RLF: variants seen among roughly 807,000 people sequenced by gnomAD.
RLF encodes RLF zinc finger, also known as zinc finger protein Rlf.
A neutral mutation model predicts 162.9 loss-of-function variants in RLF; 7 were observed. That is an observed-to-expected ratio of 0.04 (90% CI 0.02 to 0.08). The LOEUF is 0.08. RLF is among the 10% of genes least tolerant of loss of function. The pLI is 1.00. For missense variants in RLF, 1,664 were observed against 2,244.7 expected, an observed-to-expected ratio of 0.74 and a Z score of 5.23; for synonymous variants, 782 against 791.5, an observed-to-expected ratio of 0.99 and a Z score of 0.20.
intron 1 of RLF, among the ~76,000 whole-genome samples, chr1:40,187,373 C>A (rs1642496981): frequency 5.3e-5 from 8 of 152,078 alleles, no homozygotes; most frequent in Admixed American, 5.2e-4. Context: ...TAACAGACAC[C>A]CATTCTGCAT....
chr1:40,168,038 C>T (rs1254970058), intron 1 of RLF, among the ~76,000 whole-genome samples: 1 of 145,772 alleles, frequency 6.9e-6, no homozygotes, highest in Non-Finnish European at 1.5e-5. Flanking sequence ...CTGGGCAACT[C>T]TACAAAAAAA....
chr1:40,172,946 T>C (rs192654304), intron 1 of RLF, among the ~76,000 whole-genome samples: 11 of 152,322 alleles, frequency 7.2e-5, no homozygotes, highest in African/African-American at 2.6e-4. Context: ...CCGCCAATAG[T>C]GTTTGGGAGT....
At chr1:40,187,096 A>G (rs944902419) in intron 1 of RLF, among the ~76,000 whole-genome samples, 58 of 151,750 alleles carry the variant, frequency 3.8e-4, no homozygotes, top group African/African-American at 1.4e-3. Flanking sequence ...CAGTGGCGCA[A>G]TCTTGGCTCA....
intron 4 of RLF, among the ~76,000 whole-genome samples, chr1:40,199,471 G>C (rs1642681287): frequency 6.6e-6 from 1 of 152,162 alleles, no homozygotes; most frequent in African/African-American, 2.4e-5. Flanking sequence ...TTTTACAGAT[G>C]AAGAAACTTG....
intron 5 of RLF, among the ~76,000 whole-genome samples, chr1:40,208,156 G>A (rs1008335197): frequency 1.3e-5 from 2 of 152,182 alleles, no homozygotes; most frequent in African/African-American, 4.8e-5. Flanking sequence ...GGATTGTCTA[G>A]GCAGGGAAAG....
Position 40,240,453 on chromosome 1 carries a change from A to C in RLF, c.*6A>C. The C allele has an allele frequency of 6.2e-7, 1 of 1,601,846 alleles. No individual in the cohort carries two copies. The highest frequency in any genetic ancestry group is 1.7e-5 in the Admixed American group (1 of 58,700). Reference sequence around the variant, plus strand: ...TTTGTGTAGGAAGTTCATAAGTAGCAATTTTGTTTTAGTAACAGACTGGCT... The same window carrying C: ...TTTGTGTAGGAAGTTCATAAGTAGCCATTTTGTTTTAGTAACAGACTGGCT... On this transcript the variant is annotated 3_prime_UTR_variant, in exon 8 of 8. Transcript: ENST00000372771.
intron 5 of RLF, among the ~76,000 whole-genome samples, chr1:40,216,666 CA>C (rs560318341): frequency 2.5e-4 from 38 of 152,042 alleles, no homozygotes; most frequent in African/African-American, 8.7e-4. Context: ...CAAAGTATTC[CA>C]AAAAATAGAA....
At chr1:40,183,631 G>C (rs576107208) in intron 1 of RLF, among the ~76,000 whole-genome samples, 1 of 152,064 alleles carries the variant, frequency 6.6e-6, no homozygotes, top group Non-Finnish European at 1.5e-5. Context: ...TAAAGAAAGC[G>C]TGGTGATTAA....
rs902955392 is a variant in RLF, at chr1:40,181,392, C to A, written c.238-7663C>A. ...TTGCATTGAGCCGAGATGGCACCACCGCACTCCAGCCTGGGCAGCAGAGCG... is the reference window on the plus strand; with the variant it reads ...TTGCATTGAGCCGAGATGGCACCACAGCACTCCAGCCTGGGCAGCAGAGCG... On this transcript the variant is annotated intron_variant, in intron 1 of 7. Coordinates refer to ENST00000372771, the MANE Select transcript of RLF (RefSeq NM_012421.4). Among the ~76,000 whole-genome samples, 4 of 152,022 alleles carry A rather than the reference C, an allele frequency of 2.6e-5. No homozygotes were observed. The East Asian group carries it at 7.7e-4, about 29-fold the overall frequency.
In RLF at chr1:40,240,423, T is replaced by C. The variant is rs1403888673; in HGVS notation, c.5721T>C (p.Asp1907=). The C allele has an allele frequency of 6.2e-7, 1 of 1,613,498 alleles. No individual in the cohort carries two copies. The highest frequency in any genetic ancestry group is 8.5e-7 in the Non-Finnish European group (1 of 1,179,690). ...ILDLFPTKKT[D]ELCVGSS ...ACTTATTTCCAACAAAAAAGACAGA[T>C]GAGCTTTGTGTAGGAAGTTCATAAG... The change falls in exon 8 of 8, where the codon GAT becomes GAC. Residue 1907 remains aspartate (D), a synonymous_variant. Transcript: ENST00000372771.
rs76361002 is a variant in RLF at position 40,199,274 on chromosome 1, G to T, written c.608-3138G>T. Among the ~76,000 whole-genome samples, 234 of 152,306 alleles carry T rather than the reference G, an allele frequency of 1.5e-3. 4 individuals are homozygous for T. The East Asian group carries it at 0.041, about 26-fold the overall frequency. ...TATACAAGCCCTTGTGCTTAGTGCT[G>T]TAGGGAATACAAAGGCTAACAAGAC... is the stretch of plus-strand genomic sequence containing the variant. On this transcript the variant is annotated intron_variant, in intron 4 of 7. Transcript: ENST00000372771.
chr1:40,222,413 A>T (rs1360646171), intron 5 of RLF, among the ~76,000 whole-genome samples, 161 bp from the exon 6 acceptor site: 1 of 152,200 alleles, frequency 6.6e-6, no homozygotes, highest in Non-Finnish European at 1.5e-5. Flanking sequence ...TCCCTTCTTT[A>T]ATATTTTCTT....
At chr1:40,208,661 T>A (rs1403893963) in intron 5 of RLF, among the ~76,000 whole-genome samples, 2 of 148,986 alleles carry the variant, frequency 1.3e-5, no homozygotes, top group Non-Finnish European at 3.0e-5. Flanking sequence ...CAAAAAAAAA[T>A]GCAGAACTTA....
At chr1:40,234,410 C>G (rs1328396459) in intron 7 of RLF, among the ~76,000 whole-genome samples, 1 of 152,148 alleles carries the variant, frequency 6.6e-6, no homozygotes, top group African/African-American at 2.4e-5. Flanking sequence ...TTCTGTAAAT[C>G]AATGACAGTG....
chr1:40,165,679 T>A (rs990418674), intron 1 of RLF, among the ~76,000 whole-genome samples: 26 of 152,306 alleles, frequency 1.7e-4, no homozygotes, highest in African/African-American at 6.3e-4. Flanking sequence ...TCTTCACTAA[T>A]CTCTTGTTTT....
chr1:40,218,568 GTTAA>G (rs1213803827), intron 5 of RLF, among the ~76,000 whole-genome samples: 6 of 152,100 alleles, frequency 3.9e-5, no homozygotes, highest in Admixed American at 2.6e-4. Context: ...TTACTCTCAC[GTTAA>G]TTAGTTTGCT....
At position 40,161,655 on chromosome 1, in the gene RLF, G is replaced by A. The variant is rs757513900; in HGVS notation, c.237+19G>A. 1 of 1,606,740 alleles carries A rather than the reference G, an allele frequency of 6.2e-7. No homozygotes were observed. Among genetic ancestry groups the A allele is most frequent in the East Asian group, 2.3e-5 (1 of 44,108 alleles). ...CTGCCAGGTGAGGGGCTGACTGGCT[G>A]GCTGAGGGCGGCGGGGCGGGGAAGT... is the stretch of plus-strand genomic sequence containing the variant. On this transcript the variant is annotated intron_variant, in intron 1 of 7. Coordinates refer to ENST00000372771, the MANE Select transcript of RLF (RefSeq NM_012421.4). This position sits in a 1 kb window ranked among gnomAD's most constrained non-coding sequence, Gnocchi z 4.4.
intron 1 of RLF, among the ~76,000 whole-genome samples, chr1:40,175,431 A>C (rs1282745076): frequency 6.6e-6 from 1 of 152,082 alleles, no homozygotes; most frequent in Non-Finnish European, 1.5e-5. Flanking sequence ...CAGGCGGATC[A>C]TGAGGTCAGG....
rs1291798358 is a variant in RLF at position 40,238,768 on chromosome 1, G to A, written c.4066G>A (p.Val1356Ile). Residue 1356 changes from valine to isoleucine, a missense_variant, in exon 8 of 8, where the codon GTC (valine) becomes ATC (isoleucine). By Grantham distance (29) the Val-to-Ile change is conservative (BLOSUM62 3). Around this residue, in one of 15 missense-constraint regions of RLF, gnomAD observed 200 missense variants for 207.3 expected, o/e 0.96. Transcript: ENST00000372771. The surrounding 1 kb of genome is among the most constrained non-coding windows in gnomAD (Gnocchi z 5.2). ...KDKARTKRELVKCKKIFACKY... is the reference protein window; with the variant it reads ...KDKARTKRELIKCKKIFACKY... Reference sequence around the variant, plus strand: ...CAAAGCAAGAACCAAAAGGGAACTTGTCAAATGTAAAAAGATATTTGCTTG... The same window carrying A: ...CAAAGCAAGAACCAAAAGGGAACTTATCAAATGTAAAAAGATATTTGCTTG... The A allele has an allele frequency of 2.5e-6, 4 of 1,612,958 alleles. No homozygotes were observed. The highest frequency in any genetic ancestry group is 3.3e-5 in the Admixed American group (2 of 59,760).
Sources: allele counts gnomAD v4.1 joint callset (sites outside exome capture counted in the v4.1 genomes callset), GRCh38; gene constraint gnomAD v4.1.1; regional missense constraint gnomAD v4.1.1; non-coding constraint Gnocchi (gnomAD v3.1); transcripts MANE v1.5; gene names NCBI Gene and HGNC (gene_info 2026-07-23, HGNC 2026-07-21).